FKBP5: variants seen among roughly 807,000 people sequenced by gnomAD.
FKBP5 encodes the protein peptidyl-prolyl cis-trans isomerase FKBP5.
In FKBP5, 23 loss-of-function variants were observed where a neutral mutation model predicts 50.5. The observed-to-expected ratio is 0.46, with a 90% CI of 0.33 to 0.65. FKBP5 has a LOEUF of 0.65. Among genes scored for constraint, FKBP5 ranks in the 30% least tolerant of loss-of-function variants. The probability of loss-of-function intolerance (pLI) is 0.02; values close to 1 mark genes in which losing one functional copy is unlikely to be tolerated. For missense variants in FKBP5, 411 were observed against 553.1 expected (o/e 0.74, Z 2.58); for synonymous variants, 176 against 190.6 (o/e 0.92, Z 0.63).
At chr6:35,689,215 T>A (rs1433423316), upstream of FKBP5, among the ~76,000 whole-genome samples, 2 of 152,132 alleles carry the variant, frequency 1.3e-5, no homozygotes, top group African/African-American at 4.8e-5. Flanking sequence ...ATCTCTTACC[T>A]CCCGAGAAAT....
intron 9 of FKBP5, 140 bp downstream of exon 9, chr6:35,579,887 CTGAGAAACA>C (rs2150951153): frequency 1.7e-6 from 1 of 594,948 alleles, no homozygotes; most frequent in South Asian, 2.6e-5. Flanking sequence ...CCAATTCATA[CTGAGAAACA>C]AATAATCCCA....
rs10631894 is a variant in FKBP5, at chr6:35,583,079, C to CCTCT, written c.841-2862_841-2859dup. 1.2e-3 allele frequency: 1,137 copies of CCTCT among 983,174 alleles called. 9 individuals are homozygous for CCTCT. The African/African-American group carries it at 0.016, about 14-fold the overall frequency. The allele number at this position is 983,174 out of a possible 1,614,324, so 60.9% of individuals were successfully genotyped here. A position where few individuals can be genotyped will look rare whatever the true frequency, so the allele number is the denominator to read the frequency against. On this transcript the variant is annotated intron_variant, in intron 8 of 10. Coordinates refer to ENST00000357266, the MANE Select transcript of FKBP5 (RefSeq NM_004117.4). ...TCCAGCCTGGGTGACAGAGTAAGAC[C>CCTCT]CTCTCTCTCTAAAAACAATACCAAC...
At position 35,659,697 on chromosome 6, in the gene FKBP5, T is replaced by A. The variant is rs568116884; in HGVS notation, c.-19-16854A>T. ...AATTCATATTATTCTCTCATCCTTT[T>A]AATAATTATAGAATCTGAGCTTTGT... On this transcript the variant is annotated intron_variant, in intron 1 of 10. Coordinates refer to ENST00000357266, the MANE Select transcript of FKBP5 (RefSeq NM_004117.4). 2.7e-4 allele frequency among the ~76,000 whole-genome samples: 23 copies of A among 85,562 alleles called. 6 individuals carry two copies. The highest frequency in any genetic ancestry group is 7.9e-4 in the African/African-American group (22 of 27,814). 56.1% of individuals were successfully genotyped at this position (85,562 alleles called of 152,430 possible).
At position 35,663,815 on chromosome 6, in the gene FKBP5, T is replaced by C. The variant is rs544993491; in HGVS notation, c.-19-20972A>G. 1.1e-3 allele frequency among the ~76,000 whole-genome samples: 164 copies of C among 152,328 alleles called. 3 individuals are homozygous for C. The highest frequency in any genetic ancestry group is 3.4e-3 in the Middle Eastern group (1 of 294). ...AAAAATCGACTATAATCAGCCCCAC[T>C]ATGTTTTCCTCCAGTGTATTTATAG... On this transcript the variant is annotated intron_variant, in intron 1 of 10. Transcript: ENST00000357266.
At chr6:35,577,641 T>C (rs191065668) in intron 9 of FKBP5, among the ~76,000 whole-genome samples, 291 of 152,344 alleles carry the variant, frequency 1.9e-3, no homozygotes, top group Non-Finnish European at 3.7e-3. Flanking sequence ...GAACGAATCA[T>C]TCAGAAACAG....
intron 1 of FKBP5, among the ~76,000 whole-genome samples, chr6:35,653,117 G>T (rs999273659): frequency 1.3e-5 from 2 of 152,162 alleles, no homozygotes; most frequent in Non-Finnish European, 2.9e-5. Flanking sequence ...TCCCCACACC[G>T]AGGCGGGAGT....
intron 2 of FKBP5, among the ~76,000 whole-genome samples, chr6:35,705,979 T>A (rs1443084884): frequency 2.6e-5 from 4 of 152,004 alleles, no homozygotes; most frequent in African/African-American, 9.7e-5. Flanking sequence ...GTGTGGTGGC[T>A]TGCACCTGTA....
chr6:35,621,275 A>G (rs1051762212), intron 3 of FKBP5, among the ~76,000 whole-genome samples: 1 of 152,216 alleles, frequency 6.6e-6, no homozygotes, highest in Non-Finnish European at 1.5e-5. Flanking sequence ...TCTTACTGTA[A>G]GCAGTATCAA....
chr6:35,605,589 G>A (rs559859138), intron 5 of FKBP5, among the ~76,000 whole-genome samples: 2 of 151,666 alleles, frequency 1.3e-5, no homozygotes, highest in South Asian at 4.2e-4. Context: ...GTAGAGACAA[G>A]GTTTCACTAT....
At chr6:35,724,671 G>C (rs1766668697) in intron 1 of FKBP5, among the ~76,000 whole-genome samples, 1 of 151,816 alleles carries the variant, frequency 6.6e-6, no homozygotes. Context: ...TGGGAGGACT[G>C]CTTGAGCCCC....
chr6:35,611,970 A>G (rs1240426084), intron 5 of FKBP5, among the ~76,000 whole-genome samples: 1 of 152,236 alleles, frequency 6.6e-6, no homozygotes, highest in Non-Finnish European at 1.5e-5. Context: ...AATGTGATTT[A>G]GATAAGATTA....
chr6:35,643,767 T>C, intron 1 of FKBP5, among the ~76,000 whole-genome samples: 1 of 152,340 alleles, frequency 6.6e-6, no homozygotes, highest in Non-Finnish European at 1.5e-5. Flanking sequence ...TAGGCCATTT[T>C]GCCCTTTTAC....
intron 1 of FKBP5, among the ~76,000 whole-genome samples, chr6:35,680,352 C>T (rs1002819811): frequency 2.0e-5 from 3 of 152,172 alleles, no homozygotes; most frequent in Non-Finnish European, 4.4e-5. Context: ...ATCATTTGAG[C>T]CCAGGAGTTC....
chr6:35,650,299 C>CAAAAAAAAAAAAAAAAAGAA, intron 1 of FKBP5, among the ~76,000 whole-genome samples: 1 of 99,910 alleles, frequency 1.0e-5, no homozygotes. Context: ...AGATATTGTC[C>CAAAAAAAAAAAAAAAAAGAA]AAAAAAAAAA....
intron 2 of FKBP5, among the ~76,000 whole-genome samples, chr6:35,701,233 GT>G (rs200620341): frequency 5.4e-5 from 8 of 147,538 alleles, no homozygotes; most frequent in East Asian, 2.0e-4. Context: ...GTTTGTTTTT[GT>G]TTTTTGTTTT....
intron 5 of FKBP5, among the ~76,000 whole-genome samples, chr6:35,599,285 T>TAATATCACTCTCA (rs1387232734): frequency 4.6e-5 from 7 of 152,162 alleles, no homozygotes; most frequent in Admixed American, 4.6e-4. Flanking sequence ...TATGACCTGG[T>TAATATCACTCTCA]AATATCACTC....
Position 35,619,202 on chromosome 6 carries a change from G to T in FKBP5, c.402C>A (p.Leu134=). ...ATAAATCCTCTCCTTTGAAATCAAG[G>T]AGCTCAATCTAGAAAGAAAAAAGGA... ...SNATLFFEIE[L]LDFKGEDLFE... The change falls in exon 5 of 11, where the codon CTC becomes CTA. Residue 134 remains leucine, a synonymous_variant. Transcript: ENST00000357266. 4 of 1,610,744 alleles carry T rather than the reference G, an allele frequency of 2.5e-6. No homozygotes were observed. Among genetic ancestry groups the T allele is most frequent in the Non-Finnish European group, 3.4e-6 (4 of 1,177,268 alleles).
chr6:35,582,332 C>A, intron 8 of FKBP5: 1 of 977,122 alleles, frequency 1.0e-6, no homozygotes, highest in Non-Finnish European at 1.2e-6. Context: ...ATCCTAAATT[C>A]CTATGTTGAA....
At chr6:35,604,749 T>G (rs187956141) in intron 5 of FKBP5, among the ~76,000 whole-genome samples, 1 of 152,192 alleles carries the variant, frequency 6.6e-6, no homozygotes, top group Non-Finnish European at 1.5e-5. Context: ...TTGTAATCAC[T>G]GATATGAGTG....
Sources: allele counts gnomAD v4.1 joint callset (sites outside exome capture counted in the v4.1 genomes callset), GRCh38; gene constraint gnomAD v4.1.1; transcripts MANE v1.5; gene names NCBI Gene and HGNC (gene_info 2026-07-23, HGNC 2026-07-21).